SLC4A5: variants seen among roughly 807,000 people sequenced by gnomAD.
SLC4A5 encodes the protein electrogenic sodium bicarbonate cotransporter 4.
In SLC4A5, 96 loss-of-function variants were observed where a neutral mutation model predicts 120.4. The observed-to-expected ratio is 0.80, with a 90% CI of 0.68 to 0.94. The LOEUF (loss-of-function observed/expected upper bound fraction) is 0.94. SLC4A5 is among the 40% of genes least tolerant of loss of function. SLC4A5 has a pLI of 0.00. For missense variants in SLC4A5, 1,259 were observed against 1,459.5 expected (o/e 0.86, Z 2.24); for synonymous variants, 550 against 571.1 (o/e 0.96, Z 0.53).
chr2:74,229,247 GTT>G lies in SLC4A5; in HGVS notation c.2848-1371_2848-1370del, dbSNP rs71406869. ...CACCATGCCTGGCCGATTCGAAGGT[GTT>G]TTTTTTTTTTGGGGGGGGCACGGAG... On this transcript the variant is annotated intron_variant, in intron 25 of 30. Transcript: ENST00000394019. 8.5e-3 allele frequency among the ~76,000 whole-genome samples: 1,136 copies of G among 134,288 alleles called. 12 individuals carry two copies. The highest frequency in any genetic ancestry group is 0.028 in the African/African-American group (1,088 of 38,284). 88.1% of individuals were successfully genotyped at this position (134,288 alleles called of 152,430 possible). A position where few individuals can be genotyped will look rare whatever the true frequency, so the allele number is the denominator to read the frequency against.
chr2:74,269,352 C>A (rs538760609), intron 8 of SLC4A5, among the ~76,000 whole-genome samples: 1 of 151,532 alleles, frequency 6.6e-6, no homozygotes, highest in African/African-American at 2.4e-5. Flanking sequence ...ATTACAGGTG[C>A]CTGCCACCAG....
At chr2:74,314,997 C>G (rs1672919366) in exon 6 of SLC4A5, 1 of 1,613,946 alleles carries the variant, frequency 6.2e-7, no homozygotes, top group East Asian at 2.2e-5. Context: ...GCTTTCCTAC[C>G]CCAGCCTTCT....
chr2:74,308,601 G>A (rs1404862729), intron 6 of SLC4A5, among the ~76,000 whole-genome samples: 1 of 152,052 alleles, frequency 6.6e-6, no homozygotes, highest in Non-Finnish European at 1.5e-5. Context: ...AGTTCTTTTG[G>A]TATTTTCAGA....
At chr2:74,297,482 T>C (rs538729916) in intron 7 of SLC4A5, among the ~76,000 whole-genome samples, 1 of 152,332 alleles carries the variant, frequency 6.6e-6, no homozygotes, top group South Asian at 2.1e-4. Context: ...ATGAGAATAC[T>C]GAGACTCCAG....
chr2:74,251,165 G>A (rs930933675), intron 16 of SLC4A5, among the ~76,000 whole-genome samples: 21 of 152,022 alleles, frequency 1.4e-4, no homozygotes, highest in African/African-American at 4.4e-4. Context: ...ACTGCAGGAT[G>A]TTTAGCAGCT....
intron 19 of SLC4A5, among the ~76,000 whole-genome samples, chr2:74,244,521 TTC>T (rs1475015436): frequency 9.9e-5 from 15 of 151,686 alleles, no homozygotes; most frequent in African/African-American, 2.2e-4. Context: ...TCCCCTTTCT[TTC>T]TCTTTCTTTT....
intron 5 of SLC4A5, among the ~76,000 whole-genome samples, chr2:74,318,083 T>A (rs1673009833): frequency 6.6e-6 from 1 of 151,740 alleles, no homozygotes. Flanking sequence ...CTAAAAAGCT[T>A]CTACACAGCA....
At chr2:74,218,386 T>A (rs1390188627) in exon 31 of SLC4A5, 1 of 152,244 alleles carries the variant, frequency 6.6e-6, no homozygotes, top group Non-Finnish European at 1.5e-5. Flanking sequence ...AATGTTAGAA[T>A]TTCTATGCTG....
intron 9 of SLC4A5, 94 bp from the exon 10 acceptor site, chr2:74,264,393 T>C: frequency 7.0e-7 from 1 of 1,423,730 alleles, no homozygotes; most frequent in East Asian, 2.3e-5. Context: ...TGGGATTAAA[T>C]GTGGCAGAGG....
intron 21 of SLC4A5, among the ~76,000 whole-genome samples, chr2:74,236,768 C>T (rs1183216168): frequency 1.3e-5 from 2 of 152,082 alleles, no homozygotes; most frequent in Non-Finnish European, 2.9e-5. Context: ...TTGAAACAGT[C>T]AAATATGGGC....
Position 74,255,927 on chromosome 2 carries a change from T to G in SLC4A5, c.873A>C (p.Lys291Asn). ...TGGGGATCTTCTTCATGAATTTGTT[T>G]TTCCGCTGGACAGGGAGGGGAAACG... The change falls in exon 13 of 31, where the codon AAA becomes AAC. Residue 291 changes from lysine (K) to asparagine (N), a missense_variant. Physicochemically the swap from Lys to Asn is moderately conservative, Grantham distance 94. Coordinates refer to ENST00000394019, the Ensembl canonical transcript of SLC4A5. The surrounding 1 kb of genome is among the most constrained non-coding windows in gnomAD (Gnocchi z 4.0). 6.2e-7 allele frequency: 1 copy of G among 1,613,718 alleles called. No homozygotes were observed. Among genetic ancestry groups the G allele is most frequent in the Non-Finnish European group, 8.5e-7 (1 of 1,179,646 alleles).
At chr2:74,233,673 T>C (rs753877709) in intron 22 of SLC4A5, 110 bp from the exon 23 acceptor site, 269 of 1,312,986 alleles carry the variant, frequency 2.0e-4, no homozygotes, top group Non-Finnish European at 2.6e-4. Flanking sequence ...TTGGGTACTT[T>C]TCAAGTGCAA....
chr2:74,238,152 G>A lies in SLC4A5; in HGVS notation c.2319+1183C>T, dbSNP rs377451549. 1.1e-4 allele frequency among the ~76,000 whole-genome samples: 16 copies of A among 151,884 alleles called. No homozygotes were observed. In the East Asian group the frequency reaches 1.3e-3, roughly 13 times the overall value. ...TAATAACATAGCAGTTAGCATTTAC[G>A]ACGGTATAAAAAAATCAAGTACCTA... On this transcript the variant is annotated intron_variant, in intron 21 of 30. Coordinates refer to ENST00000394019, the Ensembl canonical transcript of SLC4A5.
At chr2:74,254,576 G>T in intron 14 of SLC4A5, 43 bp downstream of exon 14, 2 of 1,475,810 alleles carry the variant, frequency 1.4e-6, no homozygotes, top group Non-Finnish European at 1.9e-6. Context: ...CTTGGTGCAG[G>T]AGCTGTAAAA....
In SLC4A5 at chr2:74,314,845, C is replaced by CTGCT. The variant is rs1202657726; in HGVS notation, c.79+96_79+99dup. 5 of 1,105,440 alleles carry CTGCT rather than the reference C, an allele frequency of 4.5e-6. No individual in the cohort carries two copies. In the African/African-American group the frequency reaches 4.6e-5, roughly 10 times the overall value. 68.5% of individuals were successfully genotyped at this position (1,105,440 alleles called of 1,614,324 possible). A position where few individuals can be genotyped will look rare whatever the true frequency, so the allele number is the denominator to read the frequency against. On this transcript the variant is annotated intron_variant, in intron 6 of 30. Transcript: ENST00000394019. ...CTGTGGATGAGTCAGGAAAAGGGAC[C>CTGCT]TGCTCCCTAGACTCTCCTGCTGAAA... is the stretch of plus-strand genomic sequence containing the variant.
chr2:74,239,795 T>TGCTTTTTCCCTCAGCAG (rs1553452491), intron 20 of SLC4A5, among the ~76,000 whole-genome samples: 1 of 151,786 alleles, frequency 6.6e-6, no homozygotes, highest in African/African-American at 2.4e-5. Context: ...AGAGGCAGGA[T>TGCTTTTTCCCTCAGCAG]GCCTGGCTCC....
At position 74,255,081 on chromosome 2, in the gene SLC4A5, A is replaced by G. The variant is rs1017114468; in HGVS notation, c.1026-375T>C. Reference sequence around the variant, plus strand: ...AGCAATTCACCCGCCTTGGCCTCCCAGAGTGCTGGGATTAGAGGAATGAGC... The same window carrying G: ...AGCAATTCACCCGCCTTGGCCTCCCGGAGTGCTGGGATTAGAGGAATGAGC... On this transcript the variant is annotated intron_variant, in intron 13 of 30. Transcript: ENST00000394019. The surrounding 1 kb of genome is among the most constrained non-coding windows in gnomAD (Gnocchi z 4.0). Among the ~76,000 whole-genome samples the G allele has an allele frequency of 9.2e-5, 14 of 152,034 alleles. No individual in the cohort carries two copies. The highest frequency in any genetic ancestry group is 3.9e-4 in the Admixed American group (6 of 15,282).
Position 74,271,706 on chromosome 2 carries a change from G to C in SLC4A5, c.402-6442C>G, listed in dbSNP as rs568722511. 4.4e-4 allele frequency among the ~76,000 whole-genome samples: 66 copies of C among 151,614 alleles called. No individual in the cohort carries two copies. The South Asian group carries it at 8.8e-3, about 20-fold the overall frequency. ...TAAATGCTTGCTCCCTTCTGCTTGA[G>C]GGTAGCAAGACCTCACTGATCACTT... On this transcript the variant is annotated intron_variant, in intron 8 of 30. Coordinates refer to ENST00000394019, the Ensembl canonical transcript of SLC4A5.
chr2:74,334,408 C>T (rs1254585855), intron 3 of SLC4A5, among the ~76,000 whole-genome samples: 1 of 152,208 alleles, frequency 6.6e-6, no homozygotes, highest in African/African-American at 2.4e-5. Flanking sequence ...TTTGCACTTA[C>T]TGTTTCCCTA....
Sources: allele counts gnomAD v4.1 joint callset (sites outside exome capture counted in the v4.1 genomes callset), GRCh38; gene constraint gnomAD v4.1.1; non-coding constraint Gnocchi (gnomAD v3.1); transcripts MANE v1.5; gene names NCBI Gene and HGNC (gene_info 2026-07-23, HGNC 2026-07-21).